INTS8: variants seen among roughly 807,000 people sequenced by gnomAD.
INTS8 encodes the protein integrator complex subunit 8, also known as protein kaonashi-1.
In INTS8, 47 loss-of-function variants were observed where a neutral mutation model predicts 138.9. The ratio of observed to expected loss-of-function variants is 0.34; its 90% CI spans 0.27 to 0.43. The LOEUF is 0.43. Among genes scored for constraint, INTS8 ranks in the 20% least tolerant of loss-of-function variants. The pLI is 1.00. For missense variants in INTS8, 996 were observed against 1,173.0 expected (o/e 0.85, Z 2.20); for synonymous variants, 392 against 400.9 (o/e 0.98, Z 0.27).
chr8:94,876,641 A>G, intron 26 of INTS8, 152 bp downstream of exon 26: 1 of 541,082 alleles, frequency 1.8e-6, no homozygotes, highest in Non-Finnish European at 3.2e-6. Flanking sequence ...CTTTTTTGAT[A>G]ATTTTAACTG....
chr8:94,841,571 C>G lies in INTS8; in HGVS notation c.1098C>G (p.Leu366=), dbSNP rs1318334158. The change falls in exon 9 of 27, where the codon CTC becomes CTG. Residue 366 remains leucine (L), a synonymous_variant. Coordinates refer to ENST00000523731, the MANE Select transcript of INTS8 (RefSeq NM_017864.4). The part of the protein sequence containing the change: ...VQFRQSVLRE[L]FKKAQQGNEA... ...TCCGACAGTCAGTCCTAAGAGAACT[C>G]TTTAAGAAAGCTCAACAGGGGTAAG... 6.3e-7 allele frequency: 1 copy of G among 1,591,928 alleles called. No homozygotes were observed. The highest frequency in any genetic ancestry group is 1.4e-5 in the African/African-American group (1 of 74,026).
intron 16 of INTS8, among the ~76,000 whole-genome samples, chr8:94,861,169 C>A (rs1815957150): frequency 6.6e-6 from 1 of 150,418 alleles, no homozygotes; most frequent in Non-Finnish European, 1.5e-5. Flanking sequence ...TCACGTATGT[C>A]CTTTTAAAAA....
chr8:94,842,571 CT>C, intron 10 of INTS8, 83 bp downstream of exon 10: 5 of 1,142,616 alleles, frequency 4.4e-6, no homozygotes, highest in Non-Finnish European at 4.9e-6. Context: ...AATCCAGTTC[CT>C]TTTTTCCTGT....
chr8:94,833,339 A>G (rs1393060589), intron 6 of INTS8, among the ~76,000 whole-genome samples: 10 of 152,012 alleles, frequency 6.6e-5, no homozygotes, highest in Admixed American at 4.6e-4. Flanking sequence ...GTAGGAGTTA[A>G]TGAAGTATTG....
intron 21 of INTS8, 43 bp from the exon 22 acceptor site, chr8:94,873,331 C>A: frequency 7.3e-7 from 1 of 1,365,914 alleles, no homozygotes; most frequent in Non-Finnish European, 1.0e-6. Flanking sequence ...CCCTGTTTTT[C>A]AACTGTTACC....
intron 10 of INTS8, among the ~76,000 whole-genome samples, chr8:94,846,218 GT>G (rs1268803770): frequency 6.6e-6 from 1 of 152,088 alleles, no homozygotes; most frequent in African/African-American, 2.4e-5. Context: ...TATGTATGCA[GT>G]CATCTGTGAA....
chr8:94,856,675 C>A, intron 14 of INTS8, 102 bp from the exon 15 acceptor site: 1 of 912,754 alleles, frequency 1.1e-6, no homozygotes, highest in Non-Finnish European at 1.8e-6. Flanking sequence ...CAACGTTAAC[C>A]ATTTGAAATA....
At chr8:94,837,346 A>G (rs962124051) in intron 7 of INTS8, among the ~76,000 whole-genome samples, 3 of 152,144 alleles carry the variant, frequency 2.0e-5, no homozygotes, top group African/African-American at 4.8e-5. Flanking sequence ...ATCTATAACT[A>G]GGTTTTTATA....
chr8:94,859,998 A>C (rs1448164600), intron 16 of INTS8: 1 of 161,356 alleles, frequency 6.2e-6, no homozygotes, highest in Non-Finnish European at 1.4e-5. Context: ...TGAACACTTT[A>C]TTCTTCTTTA....
rs1284576897 is a variant in INTS8 at position 94,876,242 on chromosome 8, C to T, written c.2784C>T (p.Tyr928=). The change falls in exon 25 of 27, where the codon TAC becomes TAT. Residue 928 remains tyrosine (Y), a synonymous_variant. Transcript: ENST00000523731. ...TCAGTCATGATGCTATGGACTCCTACTACGACTACATATGGGATGTTACCA... is the reference window on the plus strand; with the variant it reads ...TCAGTCATGATGCTATGGACTCCTATTACGACTACATATGGGATGTTACCA... The part of the protein sequence containing the change: ...EQNSHDAMDS[Y]YDYIWDVTIL... 2 of 1,612,282 alleles carry T rather than the reference C, an allele frequency of 1.2e-6. No homozygotes were observed. Among genetic ancestry groups the T allele is most frequent in the African/African-American group, 2.7e-5 (2 of 74,894 alleles).
intron 6 of INTS8, 67 bp downstream of exon 6, chr8:94,832,241 C>G: frequency 9.0e-7 from 1 of 1,113,338 alleles, no homozygotes; most frequent in South Asian, 1.4e-5. Context: ...GATCATCCTC[C>G]TATTTTTAAT....
At chr8:94,859,962 G>A (rs1815892783) in intron 16 of INTS8, 1 of 178,878 alleles carries the variant, frequency 5.6e-6, no homozygotes, top group African/African-American at 2.3e-5. Flanking sequence ...GAGTCCGTCA[G>A]GGATGCACTT....
chr8:94,856,319 C>T (rs1815743726), intron 14 of INTS8, among the ~76,000 whole-genome samples: 5 of 152,076 alleles, frequency 3.3e-5, no homozygotes, highest in Admixed American at 3.3e-4. Flanking sequence ...ATAAGAGATG[C>T]ATAGGAAAGG....
chr8:94,825,327 G>A (rs1814453025), intron 2 of INTS8, among the ~76,000 whole-genome samples: 1 of 152,004 alleles, frequency 6.6e-6, no homozygotes, highest in South Asian at 2.1e-4. Flanking sequence ...AGCTACTTGG[G>A]AGGCTGAGGC....
chr8:94,869,788 A>G (rs567448753), intron 20 of INTS8, among the ~76,000 whole-genome samples: 6 of 151,876 alleles, frequency 4.0e-5, no homozygotes, highest in African/African-American at 1.4e-4. Context: ...ACTGCGCCCC[A>G]CCTAATGGTT....
At position 94,851,641 on chromosome 8, in the gene INTS8, A is replaced by G. The variant is rs1344230603; in HGVS notation, c.1596A>G (p.Leu532=). ...GGATTAGACAAATTTTAATTGAATTACATGGTATGACTTCAGAGCGCCAGT... is the reference window on the plus strand; with the variant it reads ...GGATTAGACAAATTTTAATTGAATTGCATGGTATGACTTCAGAGCGCCAGT... The part of the protein sequence containing the change: ...PWRIRQILIE[L]HGMTSERQFW... The change falls in exon 13 of 27, where the codon TTA becomes TTG. Residue 532 remains leucine (L), a synonymous_variant. Coordinates refer to ENST00000523731, the MANE Select transcript of INTS8 (RefSeq NM_017864.4). The G allele has an allele frequency of 6.2e-7, 1 of 1,604,490 alleles. No homozygotes were observed. Among genetic ancestry groups the G allele is most frequent in the Non-Finnish European group, 8.5e-7 (1 of 1,176,616 alleles).
At chr8:94,838,395 C>A in intron 7 of INTS8, 68 bp from the exon 8 acceptor site, 1 of 1,324,244 alleles carries the variant, frequency 7.6e-7, no homozygotes, top group Non-Finnish European at 1.1e-6. Flanking sequence ...TTAAAACATG[C>A]TAAGGGGGTG....
chr8:94,854,965 T>TA (rs1211566222), intron 14 of INTS8, among the ~76,000 whole-genome samples: 1 of 151,732 alleles, frequency 6.6e-6, no homozygotes, highest in Non-Finnish European at 1.5e-5. Context: ...AGGCTGATCT[T>TA]AAACTCCTGG....
intron 2 of INTS8, among the ~76,000 whole-genome samples, chr8:94,826,873 A>G (rs1814526864): frequency 6.6e-6 from 1 of 152,188 alleles, no homozygotes; most frequent in African/African-American, 2.4e-5. Context: ...TGGGAGGCTG[A>G]GGCAGGCAGA....
Sources: allele counts gnomAD v4.1 joint callset (sites outside exome capture counted in the v4.1 genomes callset), GRCh38; gene constraint gnomAD v4.1.1; transcripts MANE v1.5; gene names NCBI Gene and HGNC (gene_info 2026-07-23, HGNC 2026-07-21).